CSNK2A1: variants seen among roughly 807,000 people sequenced by gnomAD.
CSNK2A1 encodes the protein casein kinase 2 alpha 1.
Under a neutral mutation model 62.9 loss-of-function variants are expected in CSNK2A1, and 10 were observed. That is an observed-to-expected ratio of 0.16 (90% CI 0.10 to 0.27). The LOEUF is 0.27. Ranked by LOEUF, CSNK2A1 falls within the 10% of genes least tolerant of loss-of-function variation. The pLI is 1.00. For missense variants in CSNK2A1, 160 were observed against 492.0 expected, an observed-to-expected ratio of 0.33 and a Z score of 6.38; for synonymous variants, 124 against 167.8, an observed-to-expected ratio of 0.74 and a Z score of 2.02.
At chr20:518,899 CAA>C (rs1427865063) in intron 2 of CSNK2A1, among the ~76,000 whole-genome samples, 4 of 147,668 alleles carry the variant, frequency 2.7e-5, no homozygotes, top group Non-Finnish European at 6.0e-5. Context: ...TCTCAAAAAA[CAA>C]GAGGAAAAAT....
At chr20:533,244 AAT>A (rs1342727245) in intron 1 of CSNK2A1, among the ~76,000 whole-genome samples, 1 of 152,242 alleles carries the variant, frequency 6.6e-6, no homozygotes, top group Non-Finnish European at 1.5e-5. Flanking sequence ...AACCCAACAG[AAT>A]ATGTTTTTTT....
chr20:485,109 A>ATAATAATAATAATAATAATAATATAT (rs1366439608), intron 13 of CSNK2A1, among the ~76,000 whole-genome samples: 1 of 24,666 alleles, frequency 4.1e-5, no homozygotes, highest in African/African-American at 1.4e-4. Flanking sequence ...AAAAAAAAAA[A>ATAATAATAATAATAATAATAATATAT]ATATATATAT....
intron 2 of CSNK2A1, among the ~76,000 whole-genome samples, chr20:509,578 T>C (rs1023398757): frequency 6.6e-5 from 10 of 152,208 alleles, no homozygotes; most frequent in African/African-American, 2.4e-4. Flanking sequence ...TCAATTTGTA[T>C]GTGTGTATGT....
rs752486910 is a variant in CSNK2A1, at chr20:499,531, C to G, written c.316-226G>C. Reference sequence around the variant, plus strand: ...CATGGAGCTGAAGTCTCACCAGGCTCTAGGCAGCCCGACAATGCGCCCATC... The same window carrying G: ...CATGGAGCTGAAGTCTCACCAGGCTGTAGGCAGCCCGACAATGCGCCCATC... On this transcript the variant is annotated intron_variant, in intron 5 of 13. Transcript: ENST00000217244. The surrounding 1 kb of genome is among the most constrained non-coding windows in gnomAD (Gnocchi z 4.2). 1.4e-5 allele frequency: 8 copies of G among 555,922 alleles called. No individual in the cohort carries two copies. The highest frequency in any genetic ancestry group is 2.5e-5 in the Non-Finnish European group (8 of 319,586). 34.4% of individuals were successfully genotyped at this position (555,922 alleles called of 1,614,324 possible).
At chr20:536,722 T>C (rs1485584147) in intron 1 of CSNK2A1, among the ~76,000 whole-genome samples, 1 of 152,188 alleles carries the variant, frequency 6.6e-6, no homozygotes, top group Non-Finnish European at 1.5e-5. Context: ...ATAGGAGTTA[T>C]TATAAGAAAA....
rs2017836814 is a variant in CSNK2A1, at chr20:475,724, A to C, written c.*8237T>G. 1 of 152,258 alleles carries C rather than the reference A, an allele frequency of 6.6e-6. No homozygotes were observed. Among genetic ancestry groups the C allele is most frequent in the Non-Finnish European group, 1.5e-5 (1 of 68,076 alleles). 9.4% of individuals were successfully genotyped at this position (152,258 alleles called of 1,614,324 possible). ...CTTGGCTATGTGATTTGCTTTCGCCAATGGGATGATGGTGCTTGTGACACA... is the reference window on the plus strand; with the variant it reads ...CTTGGCTATGTGATTTGCTTTCGCCCATGGGATGATGGTGCTTGTGACACA... On this transcript the variant is annotated 3_prime_UTR_variant, in exon 14 of 14. Coordinates refer to ENST00000217244, the MANE Select transcript of CSNK2A1 (RefSeq NM_177559.3).
chr20:496,190 A>T, intron 7 of CSNK2A1: 1 of 184,054 alleles, frequency 5.4e-6, no homozygotes, highest in South Asian at 1.2e-4. Context: ...TTTAGCCATT[A>T]AGAGTCTGTA....
At chr20:533,597 T>C (rs6052691) in intron 1 of CSNK2A1, among the ~76,000 whole-genome samples, 6 of 152,312 alleles carry the variant, frequency 3.9e-5, no homozygotes, top group African/African-American at 1.4e-4. Context: ...AGCGAGACGC[T>C]GTCTCAAAAT....
chr20:514,795 G>A (rs1175280560), intron 2 of CSNK2A1, among the ~76,000 whole-genome samples: 1 of 152,128 alleles, frequency 6.6e-6, no homozygotes, highest in Non-Finnish European at 1.5e-5. Flanking sequence ...CTCTGCAAAT[G>A]CATATGTATA....
intron 11 of CSNK2A1, chr20:487,807 G>T: frequency 1.7e-6 from 1 of 586,128 alleles, no homozygotes; most frequent in South Asian, 2.2e-5. Flanking sequence ...TCAATTTTAA[G>T]AAACATAATT....
chr20:490,536 T>C (rs1451773452), intron 9 of CSNK2A1, among the ~76,000 whole-genome samples: 11 of 150,558 alleles, frequency 7.3e-5, no homozygotes, highest in Admixed American at 7.3e-4. Context: ...CCTGAGTAGC[T>C]GGGATTACAA....
chr20:516,659 T>C (rs984343957), intron 2 of CSNK2A1, among the ~76,000 whole-genome samples: 1 of 152,162 alleles, frequency 6.6e-6, no homozygotes. Context: ...AAAAGAAAAC[T>C]AGAGGCTTAG....
chr20:523,382 A>G (rs1206977830), intron 2 of CSNK2A1, among the ~76,000 whole-genome samples: 2 of 152,212 alleles, frequency 1.3e-5, no homozygotes, highest in African/African-American at 4.8e-5. Flanking sequence ...ATAATCACCA[A>G]AGAATGAAAA....
intron 2 of CSNK2A1, among the ~76,000 whole-genome samples, chr20:513,213 A>G (rs1286294688): frequency 6.6e-6 from 1 of 152,182 alleles, no homozygotes; most frequent in Non-Finnish European, 1.5e-5. Context: ...TCTGGTTAAC[A>G]TTTTATACGT....
At chr20:486,202 T>G (rs564296331) in intron 13 of CSNK2A1, among the ~76,000 whole-genome samples, 174 bp downstream of exon 13, 5 of 152,026 alleles carry the variant, frequency 3.3e-5, no homozygotes, top group Admixed American at 6.6e-5. Flanking sequence ...GATACCCTAC[T>G]CAAGACAGTA....
intron 2 of CSNK2A1, among the ~76,000 whole-genome samples, chr20:522,692 TTTTATTTA>T (rs140874895): frequency 2.0e-5 from 3 of 151,524 alleles, no homozygotes; most frequent in Non-Finnish European, 2.9e-5. Flanking sequence ...TTCTTAATTA[TTTTATTTA>T]TTTATTTATT....
At position 487,413 on chromosome 20, in the gene CSNK2A1, A is replaced by G. The variant is rs774569533; in HGVS notation, c.973+14T>C. The G allele has an allele frequency of 6.8e-6, 11 of 1,613,170 alleles. No individual in the cohort carries two copies. In the Admixed American group the frequency reaches 1.5e-4, roughly 22 times the overall value. On this transcript the variant is annotated intron_variant, in intron 12 of 13. Transcript: ENST00000217244. ...CGCCTGCACAAACTCTGTGGGCTAGATATCTGGACTCACAGAAATAGGGGT... is the reference window on the plus strand; with the variant it reads ...CGCCTGCACAAACTCTGTGGGCTAGGTATCTGGACTCACAGAAATAGGGGT...
intron 2 of CSNK2A1, among the ~76,000 whole-genome samples, chr20:521,892 A>G (rs1289665771): frequency 6.6e-6 from 1 of 152,212 alleles, no homozygotes; most frequent in East Asian, 1.9e-4. Flanking sequence ...CCTGACCAAC[A>G]TGGTGAATCT....
At chr20:509,373 G>A (rs372336342) in intron 2 of CSNK2A1, among the ~76,000 whole-genome samples, 172 of 152,262 alleles carry the variant, frequency 1.1e-3, no homozygotes, top group African/African-American at 3.5e-3. Context: ...ATTTGACACC[G>A]GGGGAAAATA....
Sources: gnomAD v4.1 joint callset for allele counts (sites outside exome capture counted in the v4.1 genomes callset) on GRCh38, gnomAD v4.1.1 for gene constraint, Gnocchi (gnomAD v3.1) non-coding constraint, MANE v1.5 for transcripts, NCBI Gene and HGNC (gene_info 2026-07-23, HGNC 2026-07-21) for gene names.